TOX: variants seen among roughly 807,000 people sequenced by gnomAD.
The protein encoded by TOX is thymocyte selection associated high mobility group box, also known as thymocyte selection-associated high mobility group box protein TOX.
Under a neutral mutation model 53.7 loss-of-function variants are expected in TOX, and 11 were observed. The ratio of observed to expected loss-of-function variants is 0.20; its 90% CI spans 0.13 to 0.34. The LOEUF is 0.34. Ranked by LOEUF, TOX falls within the 10% of genes least tolerant of loss-of-function variation. The probability of loss-of-function intolerance (pLI) is 1.00; values close to 1 mark genes in which losing one functional copy is unlikely to be tolerated. For missense variants in TOX, 570 were observed against 664.6 expected, an observed-to-expected ratio of 0.86 and a Z score of 1.56; for synonymous variants, 225 against 245.3, an observed-to-expected ratio of 0.92 and a Z score of 0.77.
At chr8:58,994,391 AGTGTGTGT>A (rs34690974) in intron 1 of TOX, among the ~76,000 whole-genome samples, 19 of 146,964 alleles carry the variant, frequency 1.3e-4, no homozygotes, top group African/African-American at 1.0e-4. Context: ...CAAAATGCCA[AGTGTGTGT>A]GTGTGTGTGT....
intron 1 of TOX, among the ~76,000 whole-genome samples, chr8:59,053,020 A>G (rs1026253991): frequency 6.6e-5 from 10 of 152,220 alleles, no homozygotes; most frequent in African/African-American, 2.4e-4. Flanking sequence ...TTTGAATTCC[A>G]TATGGCAATA....
intron 1 of TOX, among the ~76,000 whole-genome samples, chr8:59,087,354 A>G (rs73256359): frequency 0.011 from 1,719 of 152,324 alleles, 46 homozygotes; most frequent in African/African-American, 0.039. Context: ...CATCAAAGAA[A>G]GCCAATTTTG....
intron 1 of TOX, chr8:58,991,886 C>T (rs2129417458): frequency 6.6e-6 from 1 of 152,416 alleles, no homozygotes; most frequent in South Asian, 2.1e-4. Flanking sequence ...TCAATGGGAG[C>T]AGCATGATTT....
intron 3 of TOX, among the ~76,000 whole-genome samples, chr8:58,938,291 T>C (rs1489975388): frequency 1.3e-5 from 2 of 152,238 alleles, no homozygotes; most frequent in Non-Finnish European, 2.9e-5. Context: ...TAAGTGATAA[T>C]ATGAAATGTG....
chr8:58,925,756 C>T (rs953373387), intron 3 of TOX, among the ~76,000 whole-genome samples: 20 of 152,100 alleles, frequency 1.3e-4, no homozygotes, highest in Admixed American at 1.1e-3. Flanking sequence ...AAAAAATACC[C>T]CTGGTTTTTA....
At chr8:58,837,100 T>C (rs777304231) in intron 5 of TOX, among the ~76,000 whole-genome samples, 1 of 151,412 alleles carries the variant, frequency 6.6e-6, no homozygotes, top group Non-Finnish European at 1.5e-5. Flanking sequence ...ACACAATATA[T>C]AGATCCTTCT....
chr8:59,086,822 G>T (rs1169630375), intron 1 of TOX, among the ~76,000 whole-genome samples: 3 of 152,164 alleles, frequency 2.0e-5, no homozygotes, highest in Non-Finnish European at 4.4e-5. Context: ...TGATGGCTAT[G>T]CCCATTACAG....
intron 1 of TOX, among the ~76,000 whole-genome samples, chr8:59,067,310 T>G (rs866648149): frequency 6.6e-6 from 1 of 152,236 alleles, no homozygotes; most frequent in East Asian, 1.9e-4. Context: ...TCCCAGCACT[T>G]TGGGAGGTCG....
chr8:58,980,050 T>G (rs1017637853), intron 1 of TOX, among the ~76,000 whole-genome samples: 9 of 152,236 alleles, frequency 5.9e-5, no homozygotes, highest in Non-Finnish European at 1.0e-4. Context: ...CATAGCTCTG[T>G]AAATTTAATA....
intron 3 of TOX, among the ~76,000 whole-genome samples, chr8:58,893,224 CACAG>C (rs1811587898): frequency 6.6e-6 from 1 of 151,992 alleles, no homozygotes; most frequent in Non-Finnish European, 1.5e-5. Context: ...CCCCACAAAA[CACAG>C]ACAAACATAC....
chr8:58,987,220 G>A (rs192147115), intron 1 of TOX, among the ~76,000 whole-genome samples: 135 of 152,230 alleles, frequency 8.9e-4, no homozygotes, highest in African/African-American at 2.9e-3. Flanking sequence ...TGCATTTGAA[G>A]ACCAAACCAA....
chr8:59,093,543 T>G (rs752199508), intron 1 of TOX, among the ~76,000 whole-genome samples: 5 of 152,240 alleles, frequency 3.3e-5, no homozygotes, highest in Non-Finnish European at 5.9e-5. Flanking sequence ...CCCTTAAGCC[T>G]GGTAAAATAA....
chr8:58,847,249 T>C (rs994634363), intron 4 of TOX, among the ~76,000 whole-genome samples: 10 of 152,070 alleles, frequency 6.6e-5, no homozygotes, highest in African/African-American at 1.4e-4. Flanking sequence ...AAATACTTCA[T>C]GTATTGAAAT....
intron 3 of TOX, among the ~76,000 whole-genome samples, chr8:58,882,042 A>G (rs140405339): frequency 6.6e-6 from 1 of 152,320 alleles, no homozygotes; most frequent in Non-Finnish European, 1.5e-5. Context: ...TCATGTAAGT[A>G]ACTTGTTCAT....
At chr8:58,880,302 T>A (rs1811361762) in intron 3 of TOX, among the ~76,000 whole-genome samples, 1 of 152,208 alleles carries the variant, frequency 6.6e-6, no homozygotes, top group African/African-American at 2.4e-5. Context: ...TTATTTAACA[T>A]CCTTGAGCTT....
chr8:59,083,701 A>C, intron 1 of TOX, among the ~76,000 whole-genome samples: 1 of 152,182 alleles, frequency 6.6e-6, no homozygotes, highest in Non-Finnish European at 1.5e-5. Context: ...GCTACTGACA[A>C]TAATGTAGGT....
At chr8:59,034,816 A>G (rs552186270) in intron 1 of TOX, among the ~76,000 whole-genome samples, 1 of 152,364 alleles carries the variant, frequency 6.6e-6, no homozygotes, top group East Asian at 1.9e-4. Context: ...GCCAGGTGCC[A>G]TTCAAAGGCC....
intron 3 of TOX, among the ~76,000 whole-genome samples, chr8:58,864,471 A>T (rs956110785): frequency 1.3e-5 from 2 of 152,206 alleles, no homozygotes; most frequent in Non-Finnish European, 2.9e-5. Flanking sequence ...CCAGTCCCCA[A>T]ATATGGGCCT....
intron 1 of TOX, among the ~76,000 whole-genome samples, chr8:59,095,397 G>C (rs1044881821): frequency 2.0e-5 from 3 of 152,166 alleles, no homozygotes; most frequent in Non-Finnish European, 4.4e-5. Context: ...TATCCTGAAA[G>C]ATGAATATTA....
Sources: allele counts gnomAD v4.1 joint callset (sites outside exome capture counted in the v4.1 genomes callset), GRCh38; gene constraint gnomAD v4.1.1; transcripts MANE v1.5; gene names NCBI Gene and HGNC (gene_info 2026-07-23, HGNC 2026-07-21).